The following KIF21A variants were observed in gnomAD, a reference collection of about 807,000 sequenced individuals.
The protein encoded by KIF21A is kinesin-like protein KIF21A.
Under a neutral mutation model 202.9 loss-of-function variants are expected in KIF21A, and 114 were observed. The ratio of observed to expected loss-of-function variants is 0.56; its 90% CI spans 0.48 to 0.66. The LOEUF is 0.66. Ranked by LOEUF, KIF21A falls within the 30% of genes least tolerant of loss-of-function variation. The pLI is 0.00. For synonymous variants in KIF21A, 667 were observed against 670.8 expected (o/e 0.99, Z 0.09); for missense variants, 1,677 against 1,994.9 (o/e 0.84, Z 3.04).
intron 26 of KIF21A, among the ~76,000 whole-genome samples, chr12:39,323,926 T>C (rs1309467549): frequency 6.6e-6 from 1 of 152,010 alleles, no homozygotes; most frequent in South Asian, 2.1e-4. Context: ...CTGGCTAACA[T>C]GGTGAAACCC....
intron 24 of KIF21A, 43 bp from the exon 25 acceptor site, chr12:39,326,367 C>G (rs773024563): frequency 7.3e-7 from 1 of 1,363,350 alleles, no homozygotes; most frequent in Non-Finnish European, 1.0e-6. Context: ...CCCCATGTCA[C>G]AGTTTGAATG....
At chr12:39,419,855 A>G (rs1033085200) in intron 1 of KIF21A, among the ~76,000 whole-genome samples, 1 of 152,108 alleles carries the variant, frequency 6.6e-6, no homozygotes, top group African/African-American at 2.4e-5. Context: ...TTGAAGACCT[A>G]AAAGAAGAGA....
chr12:39,410,497 C>T (rs182464583), intron 1 of KIF21A, among the ~76,000 whole-genome samples: 60 of 152,240 alleles, frequency 3.9e-4, no homozygotes, highest in African/African-American at 1.4e-3. Context: ...TGTTAACTCA[C>T]TATTCTTAGT....
chr12:39,365,644 G>A (rs951926515), intron 6 of KIF21A, among the ~76,000 whole-genome samples: 2 of 152,158 alleles, frequency 1.3e-5, no homozygotes, highest in African/African-American at 4.8e-5. Context: ...AATTTCCAAA[G>A]TCAATAAAGT....
chr12:39,323,321 A>C (rs184932769), intron 26 of KIF21A, among the ~76,000 whole-genome samples: 4 of 149,820 alleles, frequency 2.7e-5, no homozygotes, highest in Non-Finnish European at 4.5e-5. Context: ...ACATATAATT[A>C]AAAAAAAAGA....
chr12:39,312,067 TA>T (rs1944084356), intron 31 of KIF21A: 1 of 153,486 alleles, frequency 6.5e-6, no homozygotes, highest in Non-Finnish European at 1.5e-5. Flanking sequence ...GACAATGGGT[TA>T]AAAAGATCAA....
intron 6 of KIF21A, 87 bp from the exon 7 acceptor site, chr12:39,363,300 T>A (rs574734030): frequency 2.7e-6 from 2 of 743,088 alleles, no homozygotes; most frequent in African/African-American, 3.5e-5. Flanking sequence ...CAGAGAATAA[T>A]ATAGAGACAT....
At chr12:39,324,294 A>G (rs1402860195) in intron 26 of KIF21A, among the ~76,000 whole-genome samples, 3 of 152,162 alleles carry the variant, frequency 2.0e-5, no homozygotes, top group African/African-American at 4.8e-5. Flanking sequence ...TTCTTAAGCC[A>G]GGTGGTTCTT....
At chr12:39,413,002 T>C (rs2140082173) in intron 1 of KIF21A, among the ~76,000 whole-genome samples, 1 of 152,340 alleles carries the variant, frequency 6.6e-6, no homozygotes, top group Non-Finnish European at 1.5e-5. Context: ...CTTCAATCAT[T>C]CTGGAGGACC....
chr12:39,386,908 G>A (rs1950982488), intron 1 of KIF21A, among the ~76,000 whole-genome samples: 1 of 152,080 alleles, frequency 6.6e-6, no homozygotes, highest in Non-Finnish European at 1.5e-5. Context: ...GACCCTAACA[G>A]TTTCTAGCCA....
At chr12:39,313,973 G>A (rs1055926302) in intron 31 of KIF21A, among the ~76,000 whole-genome samples, 7 of 151,588 alleles carry the variant, frequency 4.6e-5, no homozygotes, top group East Asian at 1.9e-4. Flanking sequence ...AACATTTACC[G>A]GAGAGAGGAT....
At chr12:39,346,769 A>C (rs1947929264) in intron 11 of KIF21A, among the ~76,000 whole-genome samples, 1 of 152,012 alleles carries the variant, frequency 6.6e-6, no homozygotes, top group East Asian at 1.9e-4. Flanking sequence ...CAAAATGTAT[A>C]GTCTCAATTT....
intron 1 of KIF21A, among the ~76,000 whole-genome samples, chr12:39,436,636 C>CA (rs113310174): frequency 0.19 from 15,921 of 84,670 alleles, 980 homozygotes; most frequent in African/African-American, 0.21. Context: ...TTAATAATTG[C>CA]AAAAAAAAAA....
chr12:39,393,007 A>C (rs1292409661), intron 1 of KIF21A, among the ~76,000 whole-genome samples: 1 of 149,754 alleles, frequency 6.7e-6, no homozygotes, highest in Admixed American at 6.7e-5. Context: ...CTAGATGTTT[A>C]CATAAAACAA....
At chr12:39,360,335 A>C (rs557397119) in intron 7 of KIF21A, among the ~76,000 whole-genome samples, 270 of 152,190 alleles carry the variant, frequency 1.8e-3, no homozygotes, top group African/African-American at 5.8e-3. Context: ...GTTATACTAC[A>C]CATCTTGAAA....
At chr12:39,352,907 T>A (rs142826517) in intron 10 of KIF21A, among the ~76,000 whole-genome samples, 3 of 151,910 alleles carry the variant, frequency 2.0e-5, no homozygotes, top group African/African-American at 7.3e-5. Flanking sequence ...ATTCAGAGAG[T>A]CCTCTAGGCC....
At chr12:39,358,908 T>C (rs932894259) in intron 7 of KIF21A, among the ~76,000 whole-genome samples, 1 of 152,118 alleles carries the variant, frequency 6.6e-6, no homozygotes, top group Non-Finnish European at 1.5e-5. Flanking sequence ...CCAGATTACA[T>C]AGGAAAAGTG....
rs778917518 is a variant in KIF21A at position 39,319,897 on chromosome 12, G to C, written c.3779+9C>G. 6.6e-7 allele frequency: 1 copy of C among 1,507,626 alleles called. No individual in the cohort carries two copies. Among genetic ancestry groups the C allele is most frequent in the South Asian group, 1.1e-5 (1 of 87,724 alleles). 93.4% of individuals were successfully genotyped at this position (1,507,626 alleles called of 1,614,324 possible). A position where few individuals can be genotyped will look rare whatever the true frequency, so the allele number is the denominator to read the frequency against. On this transcript the variant is annotated intron_variant, in intron 28 of 37. Transcript: ENST00000361418. ...ACAGTCTAGCAGGTAAAAAACATTA[G>C]TCACTTACTGCTTTTGTTCCTTGGC...
intron 26 of KIF21A, among the ~76,000 whole-genome samples, chr12:39,323,140 C>A (rs1018300925): frequency 6.6e-6 from 1 of 151,960 alleles, no homozygotes; most frequent in African/African-American, 2.4e-5. Flanking sequence ...TATATTAGCA[C>A]GAGATAGGTA....
Sources: gnomAD v4.1 joint callset for allele counts (sites outside exome capture counted in the v4.1 genomes callset) on GRCh38, gnomAD v4.1.1 for gene constraint, MANE v1.5 for transcripts, NCBI Gene and HGNC (gene_info 2026-07-23, HGNC 2026-07-21) for gene names.